The following CDC25C variants were observed in gnomAD, a reference collection of about 807,000 sequenced individuals.
CDC25C encodes the protein cell division cycle 25C.
A neutral mutation model predicts 52.5 loss-of-function variants in CDC25C; 48 were observed. The observed-to-expected ratio is 0.91, with a 90% CI of 0.72 to 1.16. The LOEUF (loss-of-function observed/expected upper bound fraction) is 1.16, where lower values mean the gene tolerates loss of function less well. Among genes scored for constraint, CDC25C ranks in the 50% most tolerant of loss-of-function variants. The probability of loss-of-function intolerance (pLI) is 0.00; values close to 1 mark genes in which losing one functional copy is unlikely to be tolerated. For synonymous variants in CDC25C, 187 were observed against 206.5 expected (o/e 0.91, Z 0.81); for missense variants, 510 against 566.1 (o/e 0.90, Z 1.01).
upstream of CDC25C, chr5:138,332,103 CCTTT>C (rs577727259): frequency 5.8e-4 from 94 of 161,298 alleles, no homozygotes; most frequent in Non-Finnish European, 9.6e-4. Context: ...ATCTCCACAC[CCTTT>C]CTGTTTTCCT....
rs182924174 is a variant in CDC25C at position 138,297,887 on chromosome 5, A to T, written c.616-5771T>A. ...TGCACAGAGACTGAAATGAGGAAGA[A>T]AATCATGCATTGCCTTGGGGAAGAA... On this transcript the variant is annotated intron_variant, in intron 7 of 13. Coordinates refer to ENST00000323760, the MANE Select transcript of CDC25C (RefSeq NM_001790.5). Among the ~76,000 whole-genome samples, 274 of 152,346 alleles carry T rather than the reference A, an allele frequency of 1.8e-3. 2 individuals carry two copies. Among genetic ancestry groups the T allele is most frequent in the Non-Finnish European group, 3.1e-3 (212 of 68,032 alleles).
chr5:138,313,377 C>CA (rs1758601755), intron 7 of CDC25C, among the ~76,000 whole-genome samples: 1 of 87,696 alleles, frequency 1.1e-5, no homozygotes, highest in African/African-American at 4.9e-5. Context: ...GACTATATCT[C>CA]ACAAAAAAAA....
chr5:138,334,393 T>C (rs1219935010), upstream of CDC25C, among the ~76,000 whole-genome samples: 2 of 152,064 alleles, frequency 1.3e-5, no homozygotes, highest in Non-Finnish European at 2.9e-5. Context: ...ACAGTTTCTT[T>C]CTTGTTGCCT....
intron 11 of CDC25C, 51 bp from the exon 12 acceptor site, chr5:138,286,681 G>A (rs757347920): frequency 3.9e-5 from 60 of 1,530,186 alleles, no homozygotes; most frequent in Non-Finnish European, 5.1e-5. Flanking sequence ...TATAGACAGT[G>A]CCAATACTTA....
chr5:138,292,171 C>A lies in CDC25C; in HGVS notation c.616-55G>T. ...TTACTCCTCCAAGTGTGTCTGCAGA[C>A]CTGCAGCAACAACATCTCCTGGGAG... On this transcript the variant is annotated intron_variant, in intron 7 of 13. Transcript: ENST00000323760. 6.4e-6 allele frequency: 9 copies of A among 1,412,980 alleles called. No individual in the cohort carries two copies. In the South Asian group the frequency reaches 1.3e-4, roughly 20 times the overall value. The allele number at this position is 1,412,980 out of a possible 1,614,324, so 87.5% of individuals were successfully genotyped here.
chr5:138,336,977 C>T (rs1760747721), intron 1 of CDC25C: 1 of 152,160 alleles, frequency 6.6e-6, no homozygotes, highest in Admixed American at 6.6e-5. Flanking sequence ...TTACCTGTCC[C>T]AGTCTTGAGT....
Position 138,291,976 on chromosome 5 carries a change from G to C in CDC25C, c.756C>G (p.Leu252=). 1 of 1,606,802 alleles carries C rather than the reference G, an allele frequency of 6.2e-7. No homozygotes were observed. ...KKKYFSGQGK[L]RKGLCLKKTV... ...CATCTTAAAAAGTTCTTACCTTCCT[G>C]AGCTTTCCTTGGCCAGAAAAATACT... Residue 252 remains leucine (L), a synonymous_variant, in exon 8 of 14, where the codon CTC becomes CTG. Transcript: ENST00000323760.
intron 6 of CDC25C, among the ~76,000 whole-genome samples, chr5:138,320,289 G>A (rs1376708134): frequency 1.3e-5 from 2 of 151,212 alleles, no homozygotes; most frequent in Non-Finnish European, 3.0e-5. Context: ...TGGGTGACAG[G>A]GCAAAGACTC....
At position 138,299,514 on chromosome 5, in the gene CDC25C, A is replaced by C. The variant is rs1285328368; in HGVS notation, c.616-7398T>G. On this transcript the variant is annotated intron_variant, in intron 7 of 13. Transcript: ENST00000323760. ...CCGTCTCAAAAAAAAAAAAAAAAAG[A>C]AAGAAAAGAAAAAGAAAATTAAATA... Among the ~76,000 whole-genome samples the C allele has an allele frequency of 6.8e-5, 10 of 147,564 alleles. No individual in the cohort carries two copies. The South Asian group carries it at 2.1e-3, about 32-fold the overall frequency.
At chr5:138,292,220 G>A (rs1389719664) in intron 7 of CDC25C, 104 bp from the exon 8 acceptor site, 2 of 859,036 alleles carry the variant, frequency 2.3e-6, no homozygotes, top group African/African-American at 1.7e-5. Context: ...CAGGTTTCCA[G>A]ATGTTAGGCC....
intron 12 of CDC25C, 25 bp downstream of exon 12, chr5:138,286,472 C>T (rs1300305227): frequency 7.5e-6 from 12 of 1,596,954 alleles, no homozygotes; most frequent in East Asian, 4.5e-5. Flanking sequence ...TTCCATCACC[C>T]GCCAGACCCC....
intron 7 of CDC25C, among the ~76,000 whole-genome samples, chr5:138,300,575 T>A (rs527638961): frequency 1.3e-5 from 2 of 151,368 alleles, no homozygotes; most frequent in Non-Finnish European, 2.9e-5. Flanking sequence ...AAAAAAAAAA[T>A]TGATAGATTA....
intron 1 of CDC25C, chr5:138,337,810 T>G: frequency 4.5e-6 from 2 of 448,596 alleles, no homozygotes; most frequent in South Asian, 3.8e-5. Context: ...GGAAGGGGGA[T>G]TCCTTCGAAG....
chr5:138,288,295 G>A (rs1258950436), intron 10 of CDC25C, among the ~76,000 whole-genome samples: 1 of 152,032 alleles, frequency 6.6e-6, no homozygotes, highest in Non-Finnish European at 1.5e-5. Context: ...GACTCGTCTC[G>A]AACTCCCAAC....
upstream of CDC25C, among the ~76,000 whole-genome samples, chr5:138,336,592 G>A (rs1353656739): frequency 2.6e-5 from 4 of 152,106 alleles, no homozygotes; most frequent in Admixed American, 2.6e-4. Flanking sequence ...AGGCTGAGAT[G>A]GAAAGGATTG....
chr5:138,337,613 TC>T, intron 1 of CDC25C: 3 of 299,490 alleles, frequency 1.0e-5, no homozygotes, highest in Non-Finnish European at 1.9e-5. Context: ...TACAAAGTGT[TC>T]TGGGTGAGGG....
exon 1 of CDC25C, chr5:138,338,078 A>G (rs1231785214): frequency 2.3e-6 from 3 of 1,289,666 alleles, no homozygotes; most frequent in Non-Finnish European, 3.0e-6. Flanking sequence ...TCCCTAAATC[A>G]AAGCGCCAGG....
chr5:138,294,289 T>G (rs1757002209), intron 7 of CDC25C, among the ~76,000 whole-genome samples: 1 of 151,462 alleles, frequency 6.6e-6, no homozygotes, highest in South Asian at 2.1e-4. Flanking sequence ...CCTCCCAGGT[T>G]TCAGCAATTC....
chr5:138,328,601 T>C, intron 3 of CDC25C, 72 bp from the exon 4 acceptor site: 3 of 1,264,700 alleles, frequency 2.4e-6, no homozygotes, highest in Non-Finnish European at 1.2e-6. Context: ...CTTCAGATTT[T>C]CTTCATTACC....
Sources: gnomAD v4.1 joint callset for allele counts (sites outside exome capture counted in the v4.1 genomes callset) on GRCh38, gnomAD v4.1.1 for gene constraint, MANE v1.5 for transcripts, NCBI Gene and HGNC (gene_info 2026-07-23, HGNC 2026-07-21) for gene names.